The following PTPRD variants were observed in gnomAD, a reference collection of about 807,000 sequenced individuals.
PTPRD encodes protein tyrosine phosphatase receptor type D, also known as receptor-type tyrosine-protein phosphatase delta.
In PTPRD, 34 loss-of-function variants were observed where a neutral mutation model predicts 214.5. The ratio of observed to expected loss-of-function variants is 0.16; its 90% CI spans 0.12 to 0.21. PTPRD has a LOEUF of 0.21. PTPRD is among the 10% of genes least tolerant of loss of function. PTPRD has a pLI of 1.00. For synonymous variants in PTPRD, 1,128 were observed against 845.7 expected (o/e 1.33, Z -5.79); for missense variants, 2,545 against 2,398.7 (o/e 1.06, Z -1.27).
At chr9:9,116,756 A>C (rs2099812724) in intron 10 of PTPRD, among the ~76,000 whole-genome samples, 1 of 152,176 alleles carries the variant, frequency 6.6e-6, no homozygotes, top group South Asian at 2.1e-4. Context: ...TTCCTTGCAC[A>C]GAAAATGCTC....
At chr9:8,927,232 T>C (rs1167205235) in intron 11 of PTPRD, among the ~76,000 whole-genome samples, 1 of 152,176 alleles carries the variant, frequency 6.6e-6, no homozygotes, top group Non-Finnish European at 1.5e-5. Flanking sequence ...ATTTATTTAT[T>C]TTTATTATAC....
intron 9 of PTPRD, among the ~76,000 whole-genome samples, chr9:9,285,015 T>C (rs1370512905): frequency 1.3e-5 from 2 of 151,710 alleles, no homozygotes; most frequent in Non-Finnish European, 2.9e-5. Flanking sequence ...CTTGGGGAGA[T>C]GACAGAATAA....
chr9:8,498,535 G>A (rs1592072739), intron 25 of PTPRD, among the ~76,000 whole-genome samples: 1 of 152,124 alleles, frequency 6.6e-6, no homozygotes, highest in Non-Finnish European at 1.5e-5. Flanking sequence ...CTTTACAGAC[G>A]AGAACGTAGA....
intron 8 of PTPRD, among the ~76,000 whole-genome samples, chr9:9,540,461 T>C (rs937049574): frequency 1.3e-5 from 2 of 151,720 alleles, no homozygotes; most frequent in Admixed American, 6.6e-5. Flanking sequence ...ATGAAGTCTA[T>C]GATGGAGAAA....
chr9:10,322,443 T>A (rs2096569480), intron 3 of PTPRD, among the ~76,000 whole-genome samples: 4 of 152,034 alleles, frequency 2.6e-5, no homozygotes, highest in African/African-American at 9.7e-5. Context: ...TTTTCTGTTG[T>A]CTTGGGACAA....
chr9:9,167,071 T>C (rs2099905790), intron 10 of PTPRD, among the ~76,000 whole-genome samples: 1 of 152,150 alleles, frequency 6.6e-6, no homozygotes, highest in Non-Finnish European at 1.5e-5. Flanking sequence ...GGTTAAAGAA[T>C]ATGTTAAAGG....
At chr9:8,626,391 C>A (rs1042555340) in intron 14 of PTPRD, among the ~76,000 whole-genome samples, 3 of 151,826 alleles carry the variant, frequency 2.0e-5, no homozygotes, top group Non-Finnish European at 4.4e-5. Flanking sequence ...TGAGTCACGT[C>A]CCAACCTCAT....
chr9:9,619,936 T>G (rs114573249), intron 7 of PTPRD, among the ~76,000 whole-genome samples: 75 of 151,322 alleles, frequency 5.0e-4, no homozygotes, highest in African/African-American at 1.8e-3. Flanking sequence ...TAGATAGATA[T>G]TTCTACATAT....
intron 3 of PTPRD, among the ~76,000 whole-genome samples, chr9:10,085,654 G>T (rs2098324998): frequency 6.6e-6 from 1 of 151,560 alleles, no homozygotes; most frequent in Non-Finnish European, 1.5e-5. Context: ...GCCTGTGCAT[G>T]CCTCCCATCA....
intron 2 of PTPRD, among the ~76,000 whole-genome samples, chr9:10,577,274 T>C (rs1411027217): frequency 6.6e-6 from 1 of 152,196 alleles, no homozygotes; most frequent in Non-Finnish European, 1.5e-5. Flanking sequence ...GTGTCTTTTC[T>C]TTAGTCAGTG....
intron 9 of PTPRD, among the ~76,000 whole-genome samples, chr9:9,367,777 A>C (rs2058288346): frequency 6.6e-6 from 1 of 151,708 alleles, no homozygotes; most frequent in Admixed American, 6.6e-5. Context: ...CGAATTTGCA[A>C]AGCAATCTGA....
At chr9:8,932,514 T>C (rs1045115123) in intron 11 of PTPRD, among the ~76,000 whole-genome samples, 1 of 152,100 alleles carries the variant, frequency 6.6e-6, no homozygotes, top group Non-Finnish European at 1.5e-5. Context: ...GAGATGGGAG[T>C]TTGATCCATA....
chr9:9,791,666 T>C (rs962167691), intron 5 of PTPRD, among the ~76,000 whole-genome samples: 10 of 152,180 alleles, frequency 6.6e-5, no homozygotes, highest in African/African-American at 2.4e-4. Flanking sequence ...TTTTTGTTTC[T>C]TTGTAATTTT....
At chr9:8,853,637 T>C (rs1368685) in intron 11 of PTPRD, among the ~76,000 whole-genome samples, 151,268 of 152,330 alleles carry the variant, frequency 0.99, 75,114 homozygotes, top group Middle Eastern at 1. Flanking sequence ...ACTGACAAAT[T>C]CCTTCTAAGC....
chr9:8,865,406 A>G (rs748581702), intron 11 of PTPRD, among the ~76,000 whole-genome samples: 2 of 152,136 alleles, frequency 1.3e-5, no homozygotes, highest in African/African-American at 2.4e-5. Flanking sequence ...CATTTCATAA[A>G]TATTTCAGAA....
intron 3 of PTPRD, among the ~76,000 whole-genome samples, chr9:10,057,630 G>T (rs1213923592): frequency 6.6e-6 from 1 of 152,086 alleles, no homozygotes; most frequent in Non-Finnish European, 1.5e-5. Context: ...GGATCACGAG[G>T]TCAGGAGTTA....
intron 3 of PTPRD, among the ~76,000 whole-genome samples, chr9:10,210,340 A>T (rs1052345006): frequency 6.6e-6 from 1 of 152,144 alleles, no homozygotes; most frequent in Non-Finnish European, 1.5e-5. Context: ...GAAGATGGAG[A>T]GATAATAGTA....
intron 5 of PTPRD, among the ~76,000 whole-genome samples, chr9:9,780,146 T>C (rs2098831732): frequency 6.6e-6 from 1 of 152,126 alleles, no homozygotes. Context: ...AATCCTGAGT[T>C]AACACAGAAC....
chr9:9,956,081 A>T (rs1233251486), intron 4 of PTPRD, among the ~76,000 whole-genome samples: 1 of 152,186 alleles, frequency 6.6e-6, no homozygotes, highest in Non-Finnish European at 1.5e-5. Flanking sequence ...TTTTAAAAAA[A>T]TATATAGATT....
Sources: gnomAD v4.1 joint callset for allele counts (sites outside exome capture counted in the v4.1 genomes callset) on GRCh38, gnomAD v4.1.1 for gene constraint, MANE v1.5 for transcripts, NCBI Gene and HGNC (gene_info 2026-07-23, HGNC 2026-07-21) for gene names.